Variants in LRRC4C observed in about 807,000 individuals in gnomAD.
LRRC4C encodes the protein leucine-rich repeat-containing protein 4C.
A neutral mutation model predicts 33.6 loss-of-function variants in LRRC4C; 5 were observed. The observed-to-expected ratio is 0.15, with a 90% CI of 0.08 to 0.31. The LOEUF (loss-of-function observed/expected upper bound fraction) is 0.31, where lower values mean the gene tolerates loss of function less well. Among genes scored for constraint, LRRC4C ranks in the 10% least tolerant of loss-of-function variants. The pLI, the probability that LRRC4C is intolerant of heterozygous loss-of-function variation, is 1.00. For missense variants in LRRC4C, 560 were observed against 796.7 expected (o/e 0.70, Z 3.58); for synonymous variants, 329 against 302.0 (o/e 1.09, Z -0.93).
At chr11:40,526,607 G>A (rs1591006111) in intron 3 of LRRC4C, among the ~76,000 whole-genome samples, 1 of 152,034 alleles carries the variant, frequency 6.6e-6, no homozygotes, top group Admixed American at 6.6e-5. Flanking sequence ...AATGCTATTG[G>A]GAGCATAAGT....
intron 3 of LRRC4C, among the ~76,000 whole-genome samples, chr11:40,364,747 G>T (rs995099195): frequency 6.6e-6 from 1 of 151,754 alleles, no homozygotes; most frequent in African/African-American, 2.4e-5. Flanking sequence ...ATAACAAAAA[G>T]CCCACCATAA....
At chr11:40,865,166 C>A (rs1282248548) in intron 2 of LRRC4C, among the ~76,000 whole-genome samples, 1 of 152,084 alleles carries the variant, frequency 6.6e-6, no homozygotes, top group Non-Finnish European at 1.5e-5. Flanking sequence ...TTAAGTGAAA[C>A]AAGCCAAGCA....
chr11:40,167,314 C>T (rs934997788), intron 5 of LRRC4C, among the ~76,000 whole-genome samples: 11 of 152,054 alleles, frequency 7.2e-5, no homozygotes, highest in African/African-American at 2.7e-4. Context: ...AGTGAAGATG[C>T]AGAATGGAAA....
At chr11:41,409,093 C>T (rs1193204361) in intron 1 of LRRC4C, among the ~76,000 whole-genome samples, 1 of 152,174 alleles carries the variant, frequency 6.6e-6, no homozygotes, top group Non-Finnish European at 1.5e-5. Context: ...CCCTCTTGGC[C>T]TCTCTTTGGG....
In LRRC4C at chr11:41,203,693, TCA is replaced by T. The variant is rs550981858; in HGVS notation, c.-496+255736_-496+255737del. ...ACACCACAACTGACCTCTCTGTGCC[TCA>T]GTTTTGTTTTGTTTTGTATCTGTGG... On this transcript the variant is annotated intron_variant, in intron 1 of 6. Coordinates refer to ENST00000528697, the MANE Select transcript of LRRC4C (RefSeq NM_001258419.2). Among the ~76,000 whole-genome samples, 11 of 152,308 alleles carry T rather than the reference TCA, an allele frequency of 7.2e-5. No individual in the cohort carries two copies. In the South Asian group the frequency reaches 2.3e-3, roughly 32 times the overall value.
rs114646295 is a variant in LRRC4C, at chr11:40,146,577, C to T, written c.-95-5724G>A. 3.5e-3 allele frequency among the ~76,000 whole-genome samples: 533 copies of T among 152,260 alleles called. 6 individuals are homozygous for T. The highest frequency in any genetic ancestry group is 0.012 in the African/African-American group (508 of 41,562). On this transcript the variant is annotated intron_variant, in intron 5 of 6. Transcript: ENST00000528697. The stretch of plus-strand genomic sequence containing the variant: ...TAGTCACAAAGAGCCCCCAAGGATG[C>T]TGCATAAGGACACTCTCCAACCTGT...
At chr11:40,694,595 T>A (rs1362603037) in intron 2 of LRRC4C, among the ~76,000 whole-genome samples, 2 of 152,146 alleles carry the variant, frequency 1.3e-5, no homozygotes, top group East Asian at 1.9e-4. Flanking sequence ...GTTTTTCTTT[T>A]TATTGACTCC....
intron 3 of LRRC4C, chr11:40,351,466 C>A (rs1947381719): frequency 1.3e-5 from 2 of 152,128 alleles, no homozygotes; most frequent in African/African-American, 4.8e-5. Flanking sequence ...GGTTTTCTGT[C>A]TGGACGATCT....
intron 2 of LRRC4C, among the ~76,000 whole-genome samples, chr11:40,929,145 G>A (rs1296311476): frequency 6.6e-6 from 1 of 152,064 alleles, no homozygotes; most frequent in Admixed American, 6.6e-5. Context: ...CTTTAAAGTT[G>A]CAAAACTTAA....
chr11:41,217,632 T>C (rs1947116466), intron 1 of LRRC4C, among the ~76,000 whole-genome samples: 2 of 152,166 alleles, frequency 1.3e-5, no homozygotes, highest in African/African-American at 2.4e-5. Context: ...AATCTTAATA[T>C]TGGCTATAGT....
chr11:40,271,101 C>T (rs1326952178), intron 4 of LRRC4C, among the ~76,000 whole-genome samples: 1 of 152,074 alleles, frequency 6.6e-6, no homozygotes, highest in Non-Finnish European at 1.5e-5. Context: ...TGTACTTCAT[C>T]CCAAAATAAT....
intron 3 of LRRC4C, among the ~76,000 whole-genome samples, chr11:40,611,069 A>G (rs1285489632): frequency 6.6e-6 from 1 of 151,876 alleles, no homozygotes; most frequent in Non-Finnish European, 1.5e-5. Context: ...AATAGCCAAA[A>G]CAATCTTGAA....
intron 3 of LRRC4C, among the ~76,000 whole-genome samples, chr11:40,399,114 G>T (rs1472786881): frequency 1.3e-5 from 2 of 152,072 alleles, no homozygotes; most frequent in African/African-American, 4.8e-5. Flanking sequence ...TAGCAAGGAT[G>T]GTAGAAGAGT....
intron 1 of LRRC4C, among the ~76,000 whole-genome samples, chr11:40,943,414 T>A (rs1958245823): frequency 6.6e-6 from 1 of 152,150 alleles, no homozygotes; most frequent in African/African-American, 2.4e-5. Flanking sequence ...TACCTTCGAT[T>A]CCAGCACAAA....
At chr11:41,046,886 A>C (rs1857810562) in intron 1 of LRRC4C, among the ~76,000 whole-genome samples, 1 of 152,162 alleles carries the variant, frequency 6.6e-6, no homozygotes, top group Non-Finnish European at 1.5e-5. Context: ...AACAAAATAA[A>C]AACTTTTATA....
chr11:41,389,928 C>T (rs1397156019), intron 1 of LRRC4C, among the ~76,000 whole-genome samples: 2 of 151,884 alleles, frequency 1.3e-5, no homozygotes, highest in East Asian at 3.9e-4. Flanking sequence ...CTATAATATG[C>T]TGTATTATGT....
chr11:41,425,535 C>T (rs1311612095), intron 1 of LRRC4C, among the ~76,000 whole-genome samples: 1 of 152,070 alleles, frequency 6.6e-6, no homozygotes, highest in Admixed American at 6.6e-5. Flanking sequence ...CGTCTAATTT[C>T]GATAACAAAA....
At chr11:40,984,381 AAG>A (rs1218887967) in intron 1 of LRRC4C, among the ~76,000 whole-genome samples, 4 of 84,982 alleles carry the variant, frequency 4.7e-5, no homozygotes, top group South Asian at 6.0e-4. Flanking sequence ...GAAAGAAAGA[AAG>A]AAAGAAAGAA....
intron 3 of LRRC4C, among the ~76,000 whole-genome samples, chr11:40,393,314 A>G (rs996310411): frequency 1.3e-5 from 2 of 152,144 alleles, no homozygotes; most frequent in African/African-American, 4.8e-5. Context: ...ATCATTTTAG[A>G]TAAGATTTAG....
Sources: allele counts gnomAD v4.1 joint callset (sites outside exome capture counted in the v4.1 genomes callset), GRCh38; gene constraint gnomAD v4.1.1; transcripts MANE v1.5; gene names NCBI Gene and HGNC (gene_info 2026-07-23, HGNC 2026-07-21).